Variants in DNM3 observed in about 807,000 individuals in gnomAD.
DNM3 encodes the protein dynamin-3.
In DNM3, 47 loss-of-function variants were observed where a neutral mutation model predicts 101.6. That is an observed-to-expected ratio of 0.46 (90% CI 0.37 to 0.59). The LOEUF is 0.59. Ranked by LOEUF, DNM3 falls within the 20% of genes least tolerant of loss-of-function variation. DNM3 has a pLI of 0.00. For synonymous variants in DNM3, 385 were observed against 387.9 expected (o/e 0.99, Z 0.09); for missense variants, 849 against 1,085.7 (o/e 0.78, Z 3.06).
intron 1 of DNM3, among the ~76,000 whole-genome samples, chr1:171,903,596 T>A (rs1427768406): frequency 6.6e-6 from 1 of 152,234 alleles, no homozygotes; most frequent in African/African-American, 2.4e-5. Flanking sequence ...GTAACTTGTT[T>A]AAGGTCCTGT....
chr1:172,175,526 TATTTA>T (rs1371398022), intron 14 of DNM3, among the ~76,000 whole-genome samples: 4 of 151,790 alleles, frequency 2.6e-5, no homozygotes, highest in African/African-American at 9.7e-5. Context: ...TCCATTCATA[TATTTA>T]ATTTCAGTGA....
At chr1:171,947,913 A>G (rs2042263901) in intron 2 of DNM3, among the ~76,000 whole-genome samples, 2 of 152,216 alleles carry the variant, frequency 1.3e-5, no homozygotes, top group African/African-American at 2.4e-5. Flanking sequence ...ATCAATCTCT[A>G]CTAGTGGAGT....
Position 172,282,353 on chromosome 1 carries a change from A to G in DNM3, c.1770-26375A>G, listed in dbSNP as rs567127708. 1.1e-4 allele frequency among the ~76,000 whole-genome samples: 16 copies of G among 152,292 alleles called. No homozygotes were observed. The East Asian group carries it at 2.7e-3, about 26-fold the overall frequency. ...CCATGCTAAATGCTTTGCATGCATT[A>G]TTTCAAATTCTTAAAACAACCCTCT... On this transcript the variant is annotated intron_variant, in intron 15 of 20. Coordinates refer to ENST00000627582, the MANE Select transcript of DNM3 (RefSeq NM_015569.5).
At chr1:172,149,818 A>C (rs1476614468) in intron 14 of DNM3, among the ~76,000 whole-genome samples, 3 of 152,130 alleles carry the variant, frequency 2.0e-5, no homozygotes. Flanking sequence ...AGGACACAGA[A>C]ACTACTTTTT....
chr1:172,152,423 A>G (rs2058171456), intron 14 of DNM3, among the ~76,000 whole-genome samples: 1 of 152,136 alleles, frequency 6.6e-6, no homozygotes, highest in African/African-American at 2.4e-5. Context: ...TGCCCTATGT[A>G]CTTCGTAAAT....
At chr1:172,148,297 A>AT (rs201953058) in intron 14 of DNM3, among the ~76,000 whole-genome samples, 2,517 of 143,952 alleles carry the variant, frequency 0.017, 51 homozygotes, top group African/African-American at 0.053. Context: ...ATATATTTGT[A>AT]TTTTTTTTTT....
At chr1:172,390,486 A>G (rs1188329894) in intron 20 of DNM3, among the ~76,000 whole-genome samples, 1 of 152,020 alleles carries the variant, frequency 6.6e-6, no homozygotes, top group East Asian at 1.9e-4. Context: ...TGTCCTGTGT[A>G]TTGTAAGATG....
chr1:171,995,096 GTTTTTTTTT>G (rs35925537), intron 4 of DNM3, among the ~76,000 whole-genome samples: 1 of 49,636 alleles, frequency 2.0e-5, no homozygotes, highest in Non-Finnish European at 3.7e-5. Context: ...TGAAATCCAG[GTTTTTTTTT>G]TTTTTTTTTT....
At chr1:172,225,914 T>G (rs186913629) in intron 14 of DNM3, among the ~76,000 whole-genome samples, 51 of 152,034 alleles carry the variant, frequency 3.4e-4, no homozygotes, top group Non-Finnish European at 5.3e-4. Context: ...CATTCTACAA[T>G]TTGATTCTTT....
chr1:172,152,348 C>G (rs1046276928), intron 14 of DNM3, among the ~76,000 whole-genome samples: 1 of 151,426 alleles, frequency 6.6e-6, no homozygotes, highest in African/African-American at 2.4e-5. Flanking sequence ...AGTTGAGTCC[C>G]TCATTCTTTT....
chr1:172,124,501 C>T (rs2056512087), intron 13 of DNM3, among the ~76,000 whole-genome samples: 2 of 152,314 alleles, frequency 1.3e-5, no homozygotes, highest in South Asian at 2.1e-4. Context: ...CATTTCTCCT[C>T]CTGCCTCCTG....
chr1:171,867,039 C>T (rs2034820953), intron 1 of DNM3, among the ~76,000 whole-genome samples: 1 of 152,174 alleles, frequency 6.6e-6, no homozygotes, highest in Admixed American at 6.5e-5. Context: ...TGTTTTTAAA[C>T]TTTTAAGTGA....
At chr1:171,899,932 G>A (rs2038153868) in intron 1 of DNM3, among the ~76,000 whole-genome samples, 1 of 152,224 alleles carries the variant, frequency 6.6e-6, no homozygotes, top group African/African-American at 2.4e-5. Context: ...AAATGGGCAA[G>A]GGAGAAGGTA....
In DNM3 at chr1:172,314,496, T is replaced by A. The variant is rs575860442; in HGVS notation, c.1881+5657T>A. On this transcript the variant is annotated intron_variant, in intron 16 of 20. Coordinates refer to ENST00000627582, the MANE Select transcript of DNM3 (RefSeq NM_015569.5). ...TCCCTTTCCTGGTCAAGGAAAGGGG[T>A]GACAGACGGCACCTGGAAAATCAGG... Among the ~76,000 whole-genome samples, 3 of 152,066 alleles carry A rather than the reference T, an allele frequency of 2.0e-5. No homozygotes were observed. In the South Asian group the frequency reaches 6.3e-4, roughly 32 times the overall value.
chr1:172,255,454 A>G (rs1446399326), intron 15 of DNM3, among the ~76,000 whole-genome samples: 4 of 152,120 alleles, frequency 2.6e-5, no homozygotes, highest in Non-Finnish European at 4.4e-5. Flanking sequence ...AATTGAATCC[A>G]TGGTCAACCT....
At chr1:171,884,411 T>C (rs2036584766) in intron 1 of DNM3, among the ~76,000 whole-genome samples, 2 of 152,234 alleles carry the variant, frequency 1.3e-5, no homozygotes, top group Non-Finnish European at 2.9e-5. Flanking sequence ...ATATATGTTA[T>C]CTTTAGGTCT....
intron 4 of DNM3, among the ~76,000 whole-genome samples, chr1:171,992,069 T>C (rs778925583): frequency 6.6e-6 from 1 of 152,218 alleles, no homozygotes; most frequent in African/African-American, 2.4e-5. Context: ...AGAAAAGCCA[T>C]TGGAGAATAT....
intron 14 of DNM3, among the ~76,000 whole-genome samples, chr1:172,244,516 C>A (rs1402396910): frequency 4.6e-5 from 7 of 151,466 alleles, no homozygotes; most frequent in Admixed American, 4.6e-4. Flanking sequence ...AAGAAAAAAA[C>A]AAACAACCCC....
At chr1:171,999,361 G>A (rs193036514) in intron 4 of DNM3, among the ~76,000 whole-genome samples, 1 of 152,266 alleles carries the variant, frequency 6.6e-6, no homozygotes, top group African/African-American at 2.4e-5. Flanking sequence ...AAAGGAACAG[G>A]TTAAGTGGTT....
Sources: allele counts gnomAD v4.1 joint callset (sites outside exome capture counted in the v4.1 genomes callset), GRCh38; gene constraint gnomAD v4.1.1; transcripts MANE v1.5; gene names NCBI Gene and HGNC (gene_info 2026-07-23, HGNC 2026-07-21).